PACRG: variants seen among roughly 807,000 people sequenced by gnomAD.
PACRG encodes the protein parkin coregulated gene protein.
In PACRG, 29 loss-of-function variants were observed where a neutral mutation model predicts 29.7. That is an observed-to-expected ratio of 0.98 (90% confidence interval 0.73 to 1.33). PACRG has a LOEUF of 1.33. Among genes scored for constraint, PACRG ranks in the 40% most tolerant of loss-of-function variants. The pLI is 0.00. For missense variants in PACRG, 279 were observed against 316.2 expected, an observed-to-expected ratio of 0.88 and a Z score of 0.89; for synonymous variants, 116 against 118.7, an observed-to-expected ratio of 0.98 and a Z score of 0.15.
At chr6:163,046,756 T>C (rs1809440899) in intron 2 of PACRG, 1 of 152,178 alleles carries the variant, frequency 6.6e-6, no homozygotes, top group African/African-American at 2.4e-5. Context: ...ACCCACTAAC[T>C]GGCCCCATCT....
intron 2 of PACRG, among the ~76,000 whole-genome samples, chr6:163,036,529 C>A (rs1808204487): frequency 6.6e-6 from 1 of 152,110 alleles, no homozygotes; most frequent in African/African-American, 2.4e-5. Context: ...AACAATGAGC[C>A]TAAATAAGTT....
intron 2 of PACRG, among the ~76,000 whole-genome samples, chr6:163,008,046 A>G (rs1241939600): frequency 6.6e-6 from 1 of 152,162 alleles, no homozygotes; most frequent in Non-Finnish European, 1.5e-5. Flanking sequence ...GTTGTACTGG[A>G]TTTACAAACT....
At chr6:163,007,834 C>T (rs1291781309) in intron 2 of PACRG, among the ~76,000 whole-genome samples, 1 of 152,118 alleles carries the variant, frequency 6.6e-6, no homozygotes, top group African/African-American at 2.4e-5. Context: ...TCTTCCCAGT[C>T]CACCCAGCTA....
intron 4 of PACRG, among the ~76,000 whole-genome samples, chr6:163,089,866 G>A (rs532065764): frequency 6.6e-6 from 1 of 152,064 alleles, no homozygotes; most frequent in Non-Finnish European, 1.5e-5. Context: ...TTTATTTTTT[G>A]TAGTATTATT....
At chr6:162,966,915 A>T (rs1016377361) in intron 2 of PACRG, among the ~76,000 whole-genome samples, 3 of 152,196 alleles carry the variant, frequency 2.0e-5, no homozygotes, top group Admixed American at 1.3e-4. Context: ...GCTCATAAGG[A>T]AGAGAAATTT....
chr6:162,838,873 G>A (rs1361305382), intron 2 of PACRG, among the ~76,000 whole-genome samples: 2 of 149,502 alleles, frequency 1.3e-5, no homozygotes, highest in Admixed American at 6.7e-5. Context: ...ATAGTTTACT[G>A]AGAATGATGA....
chr6:163,233,716 T>G (rs1782131395), intron 4 of PACRG, among the ~76,000 whole-genome samples: 1 of 152,174 alleles, frequency 6.6e-6, no homozygotes, highest in Non-Finnish European at 1.5e-5. Context: ...TGAAAAATAT[T>G]GAAGACATAT....
At chr6:162,850,629 T>C (rs1295079678) in intron 2 of PACRG, among the ~76,000 whole-genome samples, 1 of 152,130 alleles carries the variant, frequency 6.6e-6, no homozygotes, top group African/African-American at 2.4e-5. Flanking sequence ...TAGCTCAGCA[T>C]GTGTAGGTTC....
At chr6:162,808,100 GT>G (rs1786518762) in intron 1 of PACRG, among the ~76,000 whole-genome samples, 1 of 152,132 alleles carries the variant, frequency 6.6e-6, no homozygotes, top group Non-Finnish European at 1.5e-5. Flanking sequence ...GTGACCTTGA[GT>G]ATTGTAAAAT....
chr6:163,096,822 TAA>T (rs35139319), intron 4 of PACRG, among the ~76,000 whole-genome samples: 45,091 of 151,932 alleles, frequency 0.3, 6,888 homozygotes, highest in East Asian at 0.51. Context: ...CCAAGAAAAT[TAA>T]GTGAAATCTT....
At chr6:162,846,842 C>T (rs540601157) in intron 2 of PACRG, among the ~76,000 whole-genome samples, 9 of 151,518 alleles carry the variant, frequency 5.9e-5, no homozygotes, top group Admixed American at 1.3e-4. Context: ...CCACTGTGCT[C>T]CCCACACTGT....
At chr6:162,743,564 G>T (rs1485220776) in intron 1 of PACRG, among the ~76,000 whole-genome samples, 1 of 151,796 alleles carries the variant, frequency 6.6e-6, no homozygotes, top group Non-Finnish European at 1.5e-5. Context: ...GCTATCTCTC[G>T]AACTGACATA....
intron 2 of PACRG, among the ~76,000 whole-genome samples, chr6:163,042,351 C>T (rs759860779): frequency 1.3e-5 from 2 of 152,110 alleles, no homozygotes; most frequent in Non-Finnish European, 2.9e-5. Flanking sequence ...TGGTCTTCTC[C>T]AGCAGTCATG....
At chr6:163,237,316 A>G (rs1782285363) in intron 4 of PACRG, among the ~76,000 whole-genome samples, 1 of 152,092 alleles carries the variant, frequency 6.6e-6, no homozygotes, top group Non-Finnish European at 1.5e-5. Context: ...CATAAAATAT[A>G]TTGGGATTGC....
At chr6:162,977,948 A>T (rs1245444145) in intron 2 of PACRG, among the ~76,000 whole-genome samples, 2 of 152,076 alleles carry the variant, frequency 1.3e-5, no homozygotes, top group African/African-American at 2.4e-5. Context: ...GTTCAAGACC[A>T]GCCTGGCCAA....
chr6:162,843,678 G>A (rs1416990169), intron 2 of PACRG, among the ~76,000 whole-genome samples: 40 of 133,480 alleles, frequency 3.0e-4, no homozygotes, highest in Non-Finnish European at 4.7e-4. Flanking sequence ...GGTGCTCTGC[G>A]TTTTAGAGTT....
At chr6:162,958,881 A>ATT (rs1800345127) in intron 2 of PACRG, among the ~76,000 whole-genome samples, 1 of 16,846 alleles carries the variant, frequency 5.9e-5, no homozygotes, top group Admixed American at 7.1e-4. Context: ...ATATATATAT[A>ATT]TATAGAGAGA....
intron 1 of PACRG, among the ~76,000 whole-genome samples, chr6:162,742,939 G>A (rs186303112): frequency 4.6e-5 from 7 of 152,104 alleles, no homozygotes; most frequent in African/African-American, 1.2e-4. Flanking sequence ...ATTTTTTGAG[G>A]GACCTCCGTA....
At chr6:162,779,685 A>C (rs969983318) in intron 1 of PACRG, among the ~76,000 whole-genome samples, 2 of 152,222 alleles carry the variant, frequency 1.3e-5, no homozygotes, top group Non-Finnish European at 2.9e-5. Flanking sequence ...TTCTCTTAGA[A>C]TAAGTATTGA....
Sources: allele counts gnomAD v4.1 joint callset (sites outside exome capture counted in the v4.1 genomes callset), GRCh38; gene constraint gnomAD v4.1.1; transcripts MANE v1.5; gene names NCBI Gene and HGNC (gene_info 2026-07-23, HGNC 2026-07-21).